Variants in SRBD1 observed in about 807,000 individuals in gnomAD.
SRBD1 encodes the protein S1 RNA-binding domain-containing protein 1.
SRBD1 carries 88 observed loss-of-function variants against 115.3 expected under a neutral mutation model. That is an observed-to-expected ratio of 0.76 (90% CI 0.64 to 0.91). SRBD1 has a LOEUF of 0.91. SRBD1 is among the 40% of genes least tolerant of loss of function. The probability of loss-of-function intolerance (pLI) is 0.00; values close to 1 mark genes in which losing one functional copy is unlikely to be tolerated. For synonymous variants in SRBD1, 509 were observed against 407.7 expected (o/e 1.25, Z -2.99); for missense variants, 1,385 against 1,177.4 (o/e 1.18, Z -2.58).
At chr2:45,509,870 G>C (rs1200006386) in intron 14 of SRBD1, among the ~76,000 whole-genome samples, 1 of 152,082 alleles carries the variant, frequency 6.6e-6, no homozygotes, top group Non-Finnish European at 1.5e-5. Flanking sequence ...GAGTAGCTGG[G>C]ATTACAGGCG....
chr2:45,503,760 G>T (rs961401616), intron 14 of SRBD1, among the ~76,000 whole-genome samples: 5 of 152,086 alleles, frequency 3.3e-5, no homozygotes, highest in Admixed American at 6.6e-5. Flanking sequence ...TCATTTCCAA[G>T]GTGAAACCCA....
At chr2:45,563,390 C>T (rs1246374256) in intron 9 of SRBD1, among the ~76,000 whole-genome samples, 2 of 151,710 alleles carry the variant, frequency 1.3e-5, no homozygotes, top group East Asian at 3.9e-4. Context: ...GAACGACTGT[C>T]TTAAAACACA....
chr2:45,599,412 C>T, intron 4 of SRBD1, 37 bp downstream of exon 4: 1 of 1,583,330 alleles, frequency 6.3e-7, no homozygotes, highest in East Asian at 2.2e-5. Context: ...AGAAAGCACT[C>T]AAAACAACTA....
chr2:45,609,345 T>G (rs1421647242), intron 1 of SRBD1, among the ~76,000 whole-genome samples: 1 of 152,200 alleles, frequency 6.6e-6, no homozygotes, highest in Non-Finnish European at 1.5e-5. Context: ...CCAAAATGTC[T>G]TGAATCTCCA....
intron 19 of SRBD1, among the ~76,000 whole-genome samples, chr2:45,410,155 G>A (rs1223506558): frequency 6.6e-6 from 1 of 152,172 alleles, no homozygotes; most frequent in African/African-American, 2.4e-5. Context: ...ATTAGAAAGT[G>A]TTCAGTGTTG....
chr2:45,418,111 G>A (rs1016881684), intron 18 of SRBD1, among the ~76,000 whole-genome samples: 1 of 152,170 alleles, frequency 6.6e-6, no homozygotes, highest in Admixed American at 6.5e-5. Flanking sequence ...CTTGCCATCT[G>A]AAAGTACTAA....
At chr2:45,468,044 C>T (rs1669541173) in intron 16 of SRBD1, among the ~76,000 whole-genome samples, 2 of 152,076 alleles carry the variant, frequency 1.3e-5, no homozygotes, top group South Asian at 2.1e-4. Context: ...TGTACCTCTC[C>T]CAGTTCCCAT....
At position 45,503,591 on chromosome 2, in the gene SRBD1, C is replaced by G. The variant is rs548864452; in HGVS notation, c.1875-15260G>C. 9.2e-5 allele frequency among the ~76,000 whole-genome samples: 14 copies of G among 152,270 alleles called. No individual in the cohort carries two copies. In the East Asian group the frequency reaches 2.7e-3, roughly 29 times the overall value. On this transcript the variant is annotated intron_variant, in intron 14 of 20. Coordinates refer to ENST00000263736, the MANE Select transcript of SRBD1 (RefSeq NM_018079.5). ...AAATAATTCACATACCAATTCATCC[C>G]TTTCTTAGTTGAAAATCTATTGTAC...
At chr2:45,466,371 G>C (rs1669491372) in intron 16 of SRBD1, among the ~76,000 whole-genome samples, 1 of 152,048 alleles carries the variant, frequency 6.6e-6, no homozygotes, top group Non-Finnish European at 1.5e-5. Context: ...CAGGCAACCA[G>C]CTGCCTCCCT....
chr2:45,398,552 A>G (rs1361208274), intron 19 of SRBD1, among the ~76,000 whole-genome samples: 1 of 152,170 alleles, frequency 6.6e-6, no homozygotes, highest in Non-Finnish European at 1.5e-5. Flanking sequence ...TACTCATTGC[A>G]TGTTGCATTC....
At chr2:45,608,936 T>C (rs1674357607) in intron 1 of SRBD1, among the ~76,000 whole-genome samples, 1 of 151,962 alleles carries the variant, frequency 6.6e-6, no homozygotes, top group Admixed American at 6.6e-5. Flanking sequence ...GCCTCCTAAG[T>C]AACTGGGATT....
intron 16 of SRBD1, among the ~76,000 whole-genome samples, chr2:45,452,990 T>G (rs1396075590): frequency 6.6e-6 from 1 of 152,024 alleles, no homozygotes; most frequent in Admixed American, 6.6e-5. Context: ...GTCCACAATA[T>G]GTATACTGTG....
At chr2:45,401,015 ACAAT>A (rs559150955) in intron 19 of SRBD1, among the ~76,000 whole-genome samples, 1 of 152,182 alleles carries the variant, frequency 6.6e-6, no homozygotes, top group Non-Finnish European at 1.5e-5. Context: ...ATTGGATATG[ACAAT>A]CAATCCATAG....
At chr2:45,461,081 C>T (rs901534651) in intron 16 of SRBD1, among the ~76,000 whole-genome samples, 10 of 152,158 alleles carry the variant, frequency 6.6e-5, no homozygotes, top group African/African-American at 4.8e-5. Context: ...CTTTAAACTA[C>T]ACAAATAATG....
At chr2:45,440,888 A>C (rs1315430779) in intron 16 of SRBD1, among the ~76,000 whole-genome samples, 2 of 152,174 alleles carry the variant, frequency 1.3e-5, no homozygotes, top group African/African-American at 4.8e-5. Context: ...GCCATGTTTA[A>C]ATTATTTGTC....
chr2:45,512,503 C>T (rs917703235), intron 14 of SRBD1, among the ~76,000 whole-genome samples: 30 of 152,106 alleles, frequency 2.0e-4, no homozygotes, highest in Non-Finnish European at 3.7e-4. Context: ...CAAAAAATAA[C>T]AATTTTCTGG....
Position 45,446,234 on chromosome 2 carries a change from T to C in SRBD1, c.2050-26340A>G, listed in dbSNP as rs529944383. 8.7e-4 allele frequency among the ~76,000 whole-genome samples: 133 copies of C among 152,274 alleles called. 1 individual carries two copies. The South Asian group carries it at 0.011, about 13-fold the overall frequency. ...TGTTGGCCTTCTGCACAGTATGCCA[T>C]GGGAACGACAGCATAAGCTAATCAA... On this transcript the variant is annotated intron_variant, in intron 16 of 20. Transcript: ENST00000263736.
intron 16 of SRBD1, among the ~76,000 whole-genome samples, chr2:45,439,170 T>C (rs1227465783): frequency 1.3e-5 from 2 of 151,940 alleles, no homozygotes; most frequent in African/African-American, 4.8e-5. Flanking sequence ...AAAGGGATTT[T>C]TAGATAAATG....
intron 4 of SRBD1, among the ~76,000 whole-genome samples, chr2:45,592,608 G>C (rs906844925): frequency 6.6e-6 from 1 of 152,138 alleles, no homozygotes; most frequent in Non-Finnish European, 1.5e-5. Context: ...CTTTGGAGGA[G>C]GAGGCAAAAA....
Sources: allele counts gnomAD v4.1 joint callset (sites outside exome capture counted in the v4.1 genomes callset), GRCh38; gene constraint gnomAD v4.1.1; transcripts MANE v1.5; gene names NCBI Gene and HGNC (gene_info 2026-07-23, HGNC 2026-07-21).